DIP2B: variants seen among roughly 807,000 people sequenced by gnomAD.
DIP2B encodes the protein DIP2 acetate--CoA ligase B (putative).
In DIP2B, 76 loss-of-function variants were observed where a neutral mutation model predicts 198.0. The observed-to-expected ratio is 0.38, with a 90% CI of 0.32 to 0.46. The LOEUF (loss-of-function observed/expected upper bound fraction) is 0.46, where lower values mean the gene tolerates loss of function less well. Ranked by LOEUF, DIP2B falls within the 20% of genes least tolerant of loss-of-function variation. The pLI is 0.99. For synonymous variants in DIP2B, 701 were observed against 739.1 expected, an observed-to-expected ratio of 0.95 and a Z score of 0.84; for missense variants, 1,559 against 1,978.4, an observed-to-expected ratio of 0.79 and a Z score of 4.02.
intron 3 of DIP2B, among the ~76,000 whole-genome samples, chr12:50,648,486 C>G (rs1938390169): frequency 6.6e-6 from 1 of 152,168 alleles, no homozygotes; most frequent in Non-Finnish European, 1.5e-5. Context: ...GCCTCAGCCT[C>G]CCGAGTAGCT....
intron 1 of DIP2B, among the ~76,000 whole-genome samples, chr12:50,583,409 A>G (rs1958742821): frequency 6.6e-6 from 1 of 151,876 alleles, no homozygotes; most frequent in Non-Finnish European, 1.5e-5. Flanking sequence ...CAGTCCCTCC[A>G]TTGGTGCTGA....
At chr12:50,693,266 A>G (rs565116340) in intron 14 of DIP2B, among the ~76,000 whole-genome samples, 1 of 152,368 alleles carries the variant, frequency 6.6e-6, no homozygotes, top group Non-Finnish European at 1.5e-5. Context: ...AGGAACAGGT[A>G]GCATACTATG....
chr12:50,617,778 C>T (rs1217636437), intron 1 of DIP2B, among the ~76,000 whole-genome samples: 5 of 152,134 alleles, frequency 3.3e-5, no homozygotes, highest in Admixed American at 3.3e-4. Context: ...CACTATACTC[C>T]AACCTGGGCA....
At chr12:50,623,437 A>ACACACACT (rs1308369241) in intron 1 of DIP2B, among the ~76,000 whole-genome samples, 31 of 57,150 alleles carry the variant, frequency 5.4e-4, no homozygotes, top group African/African-American at 2.2e-3. Context: ...ACACACACAC[A>ACACACACT]CTCTCTCTCT....
chr12:50,622,229 C>G (rs547718916), intron 1 of DIP2B, among the ~76,000 whole-genome samples: 1 of 152,122 alleles, frequency 6.6e-6, no homozygotes, highest in African/African-American at 2.4e-5. Context: ...ACTTGGTAGG[C>G]TTCTGTACCC....
At chr12:50,520,156 G>GCCTA (rs1958103976) in intron 1 of DIP2B, among the ~76,000 whole-genome samples, 1 of 149,126 alleles carries the variant, frequency 6.7e-6, no homozygotes, top group African/African-American at 2.5e-5. Context: ...TCCTGCCTCA[G>GCCTA]CCTCCCCAGT....
At chr12:50,576,944 A>G (rs1408386560) in intron 1 of DIP2B, among the ~76,000 whole-genome samples, 1 of 151,764 alleles carries the variant, frequency 6.6e-6, no homozygotes, top group Non-Finnish European at 1.5e-5. Context: ...GCTCAGTGTA[A>G]CATCCGCCTC....
At chr12:50,586,878 T>A (rs574755073) in intron 1 of DIP2B, among the ~76,000 whole-genome samples, 13 of 152,276 alleles carry the variant, frequency 8.5e-5, no homozygotes, top group South Asian at 2.1e-4. Context: ...CGGCAAAAAA[T>A]TTTTTTAAAT....
chr12:50,601,098 G>A (rs564536399), intron 1 of DIP2B, among the ~76,000 whole-genome samples: 2 of 152,118 alleles, frequency 1.3e-5, no homozygotes, highest in Admixed American at 6.6e-5. Context: ...CTGTTTATCT[G>A]TTATGGTATA....
At chr12:50,622,421 A>G (rs1336659369) in intron 1 of DIP2B, among the ~76,000 whole-genome samples, 1 of 152,256 alleles carries the variant, frequency 6.6e-6, no homozygotes, top group Non-Finnish European at 1.5e-5. Flanking sequence ...GTTTTAAAAT[A>G]TTTATTGTTT....
intron 2 of DIP2B, among the ~76,000 whole-genome samples, chr12:50,630,253 C>T (rs967285757): frequency 5.3e-5 from 8 of 152,018 alleles, no homozygotes; most frequent in African/African-American, 1.9e-4. Context: ...CGGCCAAACT[C>T]AATTTTTCTA....
chr12:50,675,583 C>CT lies in DIP2B; in HGVS notation c.916+141dup. On this transcript the variant is annotated intron_variant, in intron 7 of 37. Transcript: ENST00000301180. ...TTCAAAGAGTTCATCATTTTCTGCTCTTTTTTCCCTAATGATTATCTGTAT... is the reference window on the plus strand; with the variant it reads ...TTCAAAGAGTTCATCATTTTCTGCTCTTTTTTTCCCTAATGATTATCTGTAT... 6 of 819,676 alleles carry CT rather than the reference C, an allele frequency of 7.3e-6. No homozygotes were observed. In the South Asian group the frequency reaches 1.6e-4, roughly 22 times the overall value. 50.8% of individuals were successfully genotyped at this position (819,676 alleles called of 1,614,324 possible).
chr12:50,744,999 G>T lies in DIP2B; in HGVS notation c.*160G>T. The T allele has an allele frequency of 1.1e-6, 1 of 920,544 alleles. No homozygotes were observed. Among genetic ancestry groups the T allele is most frequent in the Non-Finnish European group, 1.6e-6 (1 of 628,296 alleles). 57.0% of individuals were successfully genotyped at this position (920,544 alleles called of 1,614,324 possible). A position where few individuals can be genotyped will look rare whatever the true frequency, so the allele number is the denominator to read the frequency against. On this transcript the variant is annotated 3_prime_UTR_variant, in exon 38 of 38. Transcript: ENST00000301180. Reference sequence around the variant, plus strand: ...TTCTGCAATCATAAAACACAGGAAAGGGGAATTCTGTGATGGCAAATGAAA... The same window carrying T: ...TTCTGCAATCATAAAACACAGGAAATGGGAATTCTGTGATGGCAAATGAAA...
At chr12:50,725,510 G>A (rs1398744542) in intron 28 of DIP2B, among the ~76,000 whole-genome samples, 2 of 152,162 alleles carry the variant, frequency 1.3e-5, no homozygotes, top group African/African-American at 4.8e-5. Flanking sequence ...TGTGGGTGTT[G>A]GAGTCAGGCA....
intron 3 of DIP2B, among the ~76,000 whole-genome samples, chr12:50,643,600 T>C (rs1172904959): frequency 2.0e-5 from 3 of 152,078 alleles, no homozygotes; most frequent in Non-Finnish European, 4.4e-5. Flanking sequence ...GCATAGACTT[T>C]GGGTGAAAAT....
At chr12:50,656,772 A>G (rs1938561339) in intron 3 of DIP2B, among the ~76,000 whole-genome samples, 1 of 152,082 alleles carries the variant, frequency 6.6e-6, no homozygotes, top group East Asian at 1.9e-4. Context: ...GGGTTTTGCC[A>G]CGTTGGTCAG....
At chr12:50,544,375 C>T (rs1051542320) in intron 1 of DIP2B, among the ~76,000 whole-genome samples, 1 of 152,218 alleles carries the variant, frequency 6.6e-6, no homozygotes, top group Non-Finnish European at 1.5e-5. Flanking sequence ...AGCACGGTCT[C>T]AGCTCACTGC....
chr12:50,641,988 C>G (rs1938264457), intron 3 of DIP2B, among the ~76,000 whole-genome samples: 2 of 152,106 alleles, frequency 1.3e-5, no homozygotes, highest in Admixed American at 1.3e-4. Context: ...CAGTCTATAT[C>G]ACATCCTCTC....
chr12:50,573,031 T>G (rs966757999), intron 1 of DIP2B, among the ~76,000 whole-genome samples: 1 of 152,268 alleles, frequency 6.6e-6, no homozygotes, highest in Non-Finnish European at 1.5e-5. Context: ...TGTGCCATTC[T>G]GCACGTGAGC....
Sources: allele counts gnomAD v4.1 joint callset (sites outside exome capture counted in the v4.1 genomes callset), GRCh38; gene constraint gnomAD v4.1.1; transcripts MANE v1.5; gene names NCBI Gene and HGNC (gene_info 2026-07-23, HGNC 2026-07-21).